SYCP1: variants seen among roughly 807,000 people sequenced by gnomAD.
SYCP1 encodes the protein synaptonemal complex protein 1.
Under a neutral mutation model 153.1 loss-of-function variants are expected in SYCP1, and 64 were observed. The ratio of observed to expected loss-of-function variants is 0.42; its 90% CI spans 0.34 to 0.51. The LOEUF (loss-of-function observed/expected upper bound fraction) is 0.51. Among genes scored for constraint, SYCP1 ranks in the 20% least tolerant of loss-of-function variants. The probability of loss-of-function intolerance (pLI) is 0.06; values close to 1 mark genes in which losing one functional copy is unlikely to be tolerated. For synonymous variants in SYCP1, 384 were observed against 341.8 expected (o/e 1.12, Z -1.36); for missense variants, 997 against 1,049.0 (o/e 0.95, Z 0.68).
intron 27 of SYCP1, among the ~76,000 whole-genome samples, chr1:114,957,143 G>C (rs571130756): frequency 6.6e-6 from 1 of 151,960 alleles, no homozygotes; most frequent in Admixed American, 6.6e-5. Flanking sequence ...TAGCTCACTG[G>C]AATCTCCAAC....
chr1:114,895,835 G>A (rs1487617905), intron 16 of SYCP1, among the ~76,000 whole-genome samples: 5 of 152,078 alleles, frequency 3.3e-5, no homozygotes, highest in South Asian at 4.1e-4. Context: ...TTTGAAAAAG[G>A]TGTATGATAT....
At chr1:114,980,895 C>A (rs1332041870) in intron 28 of SYCP1, among the ~76,000 whole-genome samples, 1 of 151,748 alleles carries the variant, frequency 6.6e-6, no homozygotes, top group African/African-American at 2.4e-5. Flanking sequence ...TAAACCTATA[C>A]CCGTTAGTTA....
intron 27 of SYCP1, 90 bp from the exon 28 acceptor site, chr1:114,977,467 G>A (rs1672873749): frequency 1.2e-6 from 1 of 807,168 alleles, no homozygotes; most frequent in Non-Finnish European, 1.9e-6. Context: ...ATCTTTCTTT[G>A]TTAATACTTA....
chr1:114,957,354 G>A (rs541157809), intron 27 of SYCP1, among the ~76,000 whole-genome samples: 61 of 152,120 alleles, frequency 4.0e-4, no homozygotes, highest in Non-Finnish European at 7.6e-4. Flanking sequence ...GAAAACACTG[G>A]GTAAATGCTA....
chr1:114,918,390 T>C (rs958720645), intron 20 of SYCP1, among the ~76,000 whole-genome samples: 3 of 152,158 alleles, frequency 2.0e-5, no homozygotes, highest in Admixed American at 6.6e-5. Flanking sequence ...TTGGTTACTA[T>C]AGCTAGGTAG....
At chr1:114,902,570 C>A (rs1038610751) in intron 16 of SYCP1, among the ~76,000 whole-genome samples, 2 of 150,410 alleles carry the variant, frequency 1.3e-5, no homozygotes, top group Non-Finnish European at 2.9e-5. Flanking sequence ...TCCCCCACCC[C>A]GCAAACGGCA....
chr1:114,929,436 C>A (rs748286976), intron 23 of SYCP1, among the ~76,000 whole-genome samples: 6 of 150,892 alleles, frequency 4.0e-5, no homozygotes, highest in African/African-American at 1.5e-4. Flanking sequence ...CAAGGGCAAA[C>A]CATATACTAT....
chr1:114,855,320 C>T, intron 1 of SYCP1, 121 bp from the exon 2 acceptor site: 2 of 499,182 alleles, frequency 4.0e-6, no homozygotes. Context: ...GCGAGAGCCC[C>T]GTGGATTCCT....
chr1:114,978,525 T>C (rs1270278858), intron 28 of SYCP1, among the ~76,000 whole-genome samples: 1 of 151,770 alleles, frequency 6.6e-6, no homozygotes, highest in East Asian at 1.9e-4. Context: ...GCTTCTAACC[T>C]ATTTGATAAT....
intron 21 of SYCP1, among the ~76,000 whole-genome samples, chr1:114,925,165 A>T (rs1287304965): frequency 6.6e-6 from 1 of 152,058 alleles, no homozygotes; most frequent in African/African-American, 2.4e-5. Context: ...TTTTTCCTTT[A>T]GTTCATATTT....
chr1:114,872,112 A>G (rs360629), intron 8 of SYCP1, among the ~76,000 whole-genome samples: 88,873 of 150,104 alleles, frequency 0.59, 26,557 homozygotes, highest in African/African-American at 0.66. Flanking sequence ...AAAGCACTGG[A>G]ATTACAGGTG....
chr1:114,958,642 C>T (rs191964096), intron 27 of SYCP1, among the ~76,000 whole-genome samples: 9 of 151,162 alleles, frequency 6.0e-5, no homozygotes, highest in Non-Finnish European at 1.0e-4. Flanking sequence ...TATTTCAGGC[C>T]GGGTGCGGTG....
chr1:114,874,465 T>G, intron 8 of SYCP1, 41 bp from the exon 9 acceptor site: 1 of 1,218,430 alleles, frequency 8.2e-7, no homozygotes, highest in Non-Finnish European at 1.2e-6. Flanking sequence ...GTTGACATCT[T>G]ATTTTAAAAT....
intron 27 of SYCP1, among the ~76,000 whole-genome samples, chr1:114,954,386 T>C (rs1460111021): frequency 1.3e-5 from 2 of 152,072 alleles, no homozygotes; most frequent in Admixed American, 1.3e-4. Context: ...GTGCCCATGC[T>C]AAACTTATTT....
At chr1:114,931,373 TG>T (rs1669619843) in intron 23 of SYCP1, among the ~76,000 whole-genome samples, 2 of 152,114 alleles carry the variant, frequency 1.3e-5, no homozygotes, top group Admixed American at 1.3e-4. Context: ...GATTAGTAAA[TG>T]AATTTGACAA....
At chr1:114,924,642 TAAGCCTGA>T (rs1669138817) in intron 21 of SYCP1, among the ~76,000 whole-genome samples, 1 of 152,070 alleles carries the variant, frequency 6.6e-6, no homozygotes, top group Non-Finnish European at 1.5e-5. Flanking sequence ...ATTATATGGG[TAAGCCTGA>T]AAGTATCAGA....
Position 114,914,015 on chromosome 1 carries a change from A to G in SYCP1, c.1688A>G (p.Glu563Gly). 1 of 1,576,376 alleles carries G rather than the reference A, an allele frequency of 6.3e-7. No homozygotes were observed. The highest frequency in any genetic ancestry group is 8.6e-7 in the Non-Finnish European group (1 of 1,163,336). The change falls in exon 20 of 32, where the codon GAA (glutamate) becomes GGA (glycine). Residue 563 changes from glutamate (E) to glycine (G), a missense_variant. Physicochemically the swap from Glu to Gly is moderately conservative, Grantham distance 98. Transcript: ENST00000369522. Reference protein sequence around the residue: ...KQEERMLKQIENLQETETQLR... With the variant: ...KQEERMLKQIGNLQETETQLR... ...GAAGAAAGGATGTTGAAACAAATAGAAAATCTTCAAGAAACAGAAACCCAA... is the reference window on the plus strand; with the variant it reads ...GAAGAAAGGATGTTGAAACAAATAGGAAATCTTCAAGAAACAGAAACCCAA...
chr1:114,882,635 G>A (rs1261861697), intron 12 of SYCP1, among the ~76,000 whole-genome samples: 1 of 151,164 alleles, frequency 6.6e-6, no homozygotes, highest in Admixed American at 6.6e-5. Flanking sequence ...TACCTTGTTT[G>A]CTTGTGTGCC....
At chr1:114,920,686 G>T (rs2101714382) in intron 20 of SYCP1, among the ~76,000 whole-genome samples, 1 of 152,094 alleles carries the variant, frequency 6.6e-6, no homozygotes, top group South Asian at 2.1e-4. Context: ...CTTTGTAATT[G>T]TTATATTCTC....
Sources: gnomAD v4.1 joint callset for allele counts (sites outside exome capture counted in the v4.1 genomes callset) on GRCh38, gnomAD v4.1.1 for gene constraint, MANE v1.5 for transcripts, NCBI Gene and HGNC (gene_info 2026-07-23, HGNC 2026-07-21) for gene names.